The following KPNA6 variants were observed in gnomAD, a reference collection of about 807,000 sequenced individuals.
KPNA6 encodes the protein karyopherin subunit alpha 6.
A neutral mutation model predicts 72.0 loss-of-function variants in KPNA6; 9 were observed. The ratio of observed to expected loss-of-function variants is 0.13; its 90% CI spans 0.08 to 0.22. The LOEUF is 0.22. KPNA6 is among the 10% of genes least tolerant of loss of function. KPNA6 has a pLI of 1.00. For missense variants in KPNA6, 374 were observed against 655.7 expected, an observed-to-expected ratio of 0.57 and a Z score of 4.69; for synonymous variants, 219 against 242.1, an observed-to-expected ratio of 0.90 and a Z score of 0.89.
intron 1 of KPNA6, among the ~76,000 whole-genome samples, chr1:32,120,871 CTTTTT>C (rs767698422): frequency 8.3e-6 from 1 of 120,588 alleles, no homozygotes; most frequent in Non-Finnish European, 1.8e-5. Flanking sequence ...GGAGTTCCTT[CTTTTT>C]TTTTTTTTTT....
chr1:32,115,261 G>A (rs1316696300), intron 1 of KPNA6, among the ~76,000 whole-genome samples: 2 of 151,314 alleles, frequency 1.3e-5, no homozygotes, highest in Non-Finnish European at 2.9e-5. Context: ...TCAGCCTCCC[G>A]AGTAGCTGGG....
Position 32,171,642 on chromosome 1 carries a change from ACT to A in KPNA6, c.*752_*753del, listed in dbSNP as rs1642439179. On this transcript the variant is annotated 3_prime_UTR_variant, in exon 14 of 14. Coordinates refer to ENST00000373625, the MANE Select transcript of KPNA6 (RefSeq NM_012316.5). ...CTCTTTAGTTTGGGGGATCCTCCTC[ACT>A]CTCCTGAAGTGTCTCAAGTATACCA... The A allele has an allele frequency of 6.6e-6, 1 of 151,792 alleles. No individual in the cohort carries two copies. Among genetic ancestry groups the A allele is most frequent in the East Asian group, 1.9e-4 (1 of 5,176 alleles). 9.4% of individuals were successfully genotyped at this position (151,792 alleles called of 1,614,324 possible).
At chr1:32,151,766 A>G (rs1642037205) in intron 1 of KPNA6, among the ~76,000 whole-genome samples, 1 of 152,206 alleles carries the variant, frequency 6.6e-6, no homozygotes, top group African/African-American at 2.4e-5. Flanking sequence ...GGGAAATCCT[A>G]TCCCTCTTAT....
intron 2 of KPNA6, among the ~76,000 whole-genome samples, chr1:32,156,271 A>G (rs1239845722): frequency 6.6e-6 from 1 of 151,898 alleles, no homozygotes; most frequent in Non-Finnish European, 1.5e-5. Context: ...CAGGACCCAC[A>G]GTGGATGCCT....
At chr1:32,123,377 T>G (rs1159078954) in intron 1 of KPNA6, among the ~76,000 whole-genome samples, 2 of 152,150 alleles carry the variant, frequency 1.3e-5, no homozygotes, top group African/African-American at 4.8e-5. Context: ...TATCTTTTTA[T>G]GTACCATGTC....
intron 10 of KPNA6, 34 bp from the exon 11 acceptor site, chr1:32,166,071 T>C (rs1642332616): frequency 2.6e-6 from 4 of 1,565,496 alleles, no homozygotes; most frequent in Non-Finnish European, 3.4e-6. Context: ...ACAGTTTAAT[T>C]TTTCTTTTGT....
intron 7 of KPNA6, among the ~76,000 whole-genome samples, chr1:32,161,173 C>T (rs892326032): frequency 1.3e-5 from 2 of 152,094 alleles, no homozygotes; most frequent in African/African-American, 4.8e-5. Context: ...ATTGTGCCAC[C>T]CATCTGCCAA....
chr1:32,156,955 C>T lies in KPNA6; in HGVS notation c.231+10C>T. The T allele has an allele frequency of 1.3e-6, 2 of 1,599,710 alleles. No homozygotes were observed. Among genetic ancestry groups the T allele is most frequent in the Non-Finnish European group, 8.6e-7 (1 of 1,167,646 alleles). The stretch of plus-strand genomic sequence containing the variant: ...GAGCTCTACCACTGGGGTAAGGCCC[C>T]TGCATGTGCCTCAGGCTGACCTGGA... On this transcript the variant is annotated intron_variant, in intron 3 of 13. Transcript: ENST00000373625.
At position 32,153,432 on chromosome 1, in the gene KPNA6, G is replaced by A. The variant is rs910048143; in HGVS notation, c.5-1156G>A. Among the ~76,000 whole-genome samples, 22 of 151,852 alleles carry A rather than the reference G, an allele frequency of 1.4e-4. 1 individual carries two copies. Among genetic ancestry groups the A allele is most frequent in the East Asian group, 3.9e-4 (2 of 5,138 alleles). ...AATACAAAAATTAGCCGTATTAGGCGTGGTGGCAGGCACCTGTAGTCCCAG... is the reference window on the plus strand; with the variant it reads ...AATACAAAAATTAGCCGTATTAGGCATGGTGGCAGGCACCTGTAGTCCCAG... On this transcript the variant is annotated intron_variant, in intron 1 of 13. Transcript: ENST00000373625.
intron 1 of KPNA6, among the ~76,000 whole-genome samples, chr1:32,139,887 A>G (rs910568912): frequency 2.6e-5 from 4 of 152,108 alleles, no homozygotes; most frequent in African/African-American, 9.7e-5. Context: ...GATTCATTTT[A>G]TTTACTGTTT....
intron 1 of KPNA6, 152 bp downstream of exon 1, chr1:32,108,286 C>T (rs1033017286): frequency 2.6e-6 from 3 of 1,166,640 alleles, no homozygotes; most frequent in African/African-American, 3.0e-5. Flanking sequence ...GCCCCTCTTG[C>T]CAGTTTTGGG....
chr1:32,127,298 C>CATTGG (rs1641553086), intron 1 of KPNA6, among the ~76,000 whole-genome samples: 1 of 152,152 alleles, frequency 6.6e-6, no homozygotes, highest in Non-Finnish European at 1.5e-5. Flanking sequence ...TGAGGGTGAA[C>CATTGG]ATTGGATGTT....
At chr1:32,148,312 G>GT (rs939950467) in intron 1 of KPNA6, among the ~76,000 whole-genome samples, 13 of 148,836 alleles carry the variant, frequency 8.7e-5, no homozygotes, top group South Asian at 2.2e-4. Flanking sequence ...GCTAATTTTT[G>GT]TTTTTTTTTA....
intron 7 of KPNA6, 116 bp downstream of exon 7, chr1:32,160,819 A>G: frequency 4.2e-6 from 3 of 709,514 alleles, no homozygotes; most frequent in Non-Finnish European, 5.1e-6. Flanking sequence ...AACTATAAAA[A>G]TGCATTCTGA....
intron 1 of KPNA6, among the ~76,000 whole-genome samples, chr1:32,134,537 C>T (rs1641698896): frequency 6.6e-6 from 1 of 151,434 alleles, no homozygotes. Context: ...ACCTGGGAGG[C>T]TGAGGCAGGA....
intron 1 of KPNA6, among the ~76,000 whole-genome samples, chr1:32,125,625 G>A (rs961301228): frequency 4.0e-5 from 6 of 151,532 alleles, no homozygotes; most frequent in African/African-American, 1.5e-4. Flanking sequence ...AGCTTTGGAG[G>A]GCTACGCACC....
intron 7 of KPNA6, among the ~76,000 whole-genome samples, chr1:32,161,131 C>T (rs2124076865): frequency 6.6e-6 from 1 of 152,046 alleles, no homozygotes; most frequent in East Asian, 1.9e-4. Flanking sequence ...CACTGCACTT[C>T]AGCCTGGGCA....
At chr1:32,151,150 G>A (rs1419733367) in intron 1 of KPNA6, among the ~76,000 whole-genome samples, 1 of 152,052 alleles carries the variant, frequency 6.6e-6, no homozygotes, top group Non-Finnish European at 1.5e-5. Context: ...TTTAGTGTCT[G>A]GATTTTGTTG....
chr1:32,150,917 G>T (rs573524216), intron 1 of KPNA6, among the ~76,000 whole-genome samples: 2 of 151,872 alleles, frequency 1.3e-5, no homozygotes, highest in African/African-American at 4.8e-5. Flanking sequence ...GAGCCACCAC[G>T]CCCCGGCTGT....
Sources: allele counts gnomAD v4.1 joint callset (sites outside exome capture counted in the v4.1 genomes callset), GRCh38; gene constraint gnomAD v4.1.1; transcripts MANE v1.5; gene names NCBI Gene and HGNC (gene_info 2026-07-23, HGNC 2026-07-21).